Variants in ROBO1 observed in about 807,000 individuals in gnomAD.
The protein encoded by ROBO1 is roundabout guidance receptor 1.
ROBO1 carries 149 observed loss-of-function variants against 195.9 expected under a neutral mutation model. The observed-to-expected ratio is 0.76, with a 90% CI of 0.67 to 0.87. The LOEUF (loss-of-function observed/expected upper bound fraction) is 0.87. Among genes scored for constraint, ROBO1 ranks in the 40% least tolerant of loss-of-function variants. The probability of loss-of-function intolerance (pLI) is 0.00; values close to 1 mark genes in which losing one functional copy is unlikely to be tolerated. For synonymous variants in ROBO1, 816 were observed against 733.2 expected (o/e 1.11, Z -1.82); for missense variants, 1,933 against 2,068.3 (o/e 0.93, Z 1.27).
At chr3:78,703,107 C>T (rs1004225484) in intron 8 of ROBO1, among the ~76,000 whole-genome samples, 1 of 152,088 alleles carries the variant, frequency 6.6e-6, no homozygotes, top group Non-Finnish European at 1.5e-5. Flanking sequence ...AAGAGAATCC[C>T]ACACATTCAT....
At chr3:78,776,008 T>C (rs1161709967) in intron 4 of ROBO1, among the ~76,000 whole-genome samples, 1 of 152,202 alleles carries the variant, frequency 6.6e-6, no homozygotes, top group Non-Finnish European at 1.5e-5. Flanking sequence ...ATATAAAGCA[T>C]GCCTATGGGT....
chr3:78,787,015 C>T (rs1024818008), intron 4 of ROBO1, among the ~76,000 whole-genome samples: 5 of 152,140 alleles, frequency 3.3e-5, no homozygotes, highest in Admixed American at 1.3e-4. Flanking sequence ...TGGTTCTCCA[C>T]CTTCAGTTCA....
At chr3:79,306,809 G>C (rs1034233373) in intron 2 of ROBO1, among the ~76,000 whole-genome samples, 1 of 152,066 alleles carries the variant, frequency 6.6e-6, no homozygotes, top group Non-Finnish European at 1.5e-5. Context: ...AGCCGTTCTT[G>C]TTTGCATTTT....
At chr3:79,407,555 A>G (rs1388762790) in intron 2 of ROBO1, among the ~76,000 whole-genome samples, 1 of 152,054 alleles carries the variant, frequency 6.6e-6, no homozygotes, top group East Asian at 1.9e-4. Context: ...TCAGACAATA[A>G]TTTTCTTTCT....
chr3:79,363,033 A>C (rs1352235807), intron 2 of ROBO1, among the ~76,000 whole-genome samples: 1 of 152,146 alleles, frequency 6.6e-6, no homozygotes, highest in Non-Finnish European at 1.5e-5. Flanking sequence ...AAGTGATGTA[A>C]TTTTCTCAGC....
At chr3:79,467,332 C>T (rs550178248) in intron 2 of ROBO1, among the ~76,000 whole-genome samples, 6 of 151,900 alleles carry the variant, frequency 3.9e-5, no homozygotes, top group Non-Finnish European at 7.4e-5. Context: ...AAAGGCCCCA[C>T]CCTCAAGCCT....
At chr3:79,198,390 G>A (rs2081686033) in intron 2 of ROBO1, among the ~76,000 whole-genome samples, 1 of 151,960 alleles carries the variant, frequency 6.6e-6, no homozygotes, top group Non-Finnish European at 1.5e-5. Flanking sequence ...CTGTTCCATT[G>A]GTCTATATAT....
At chr3:78,978,868 C>G (rs1039949017) in intron 3 of ROBO1, among the ~76,000 whole-genome samples, 2 of 152,162 alleles carry the variant, frequency 1.3e-5, no homozygotes, top group African/African-American at 4.8e-5. Flanking sequence ...TCAGATACAG[C>G]TAGAAATCTA....
chr3:78,764,866 A>C (rs775623958), intron 4 of ROBO1, among the ~76,000 whole-genome samples: 36 of 152,144 alleles, frequency 2.4e-4, no homozygotes, highest in Non-Finnish European at 3.5e-4. Flanking sequence ...TTCTGTCATC[A>C]TGACAGCTTT....
intron 3 of ROBO1, among the ~76,000 whole-genome samples, chr3:79,023,971 A>T (rs1449853878): frequency 6.6e-6 from 1 of 151,444 alleles, no homozygotes; most frequent in African/African-American, 2.4e-5. Flanking sequence ...CAGCCTCCCA[A>T]AGTGCTGGGA....
Position 79,694,992 on chromosome 3 carries a change from C to G in ROBO1, c.-51+72760G>C, listed in dbSNP as rs1947401822. On this transcript the variant is annotated intron_variant, in intron 1 of 30. Coordinates refer to ENST00000464233, the MANE Select transcript of ROBO1 (RefSeq NM_002941.4). Reference sequence around the variant, plus strand: ...ATATTGATACTTTTCTCTGTTTTCCCATTTTTTGGAGGAAAATCTGTCATT... The same window carrying G: ...ATATTGATACTTTTCTCTGTTTTCCGATTTTTTGGAGGAAAATCTGTCATT... Among the ~76,000 whole-genome samples the G allele has an allele frequency of 2.0e-5, 3 of 151,262 alleles. No homozygotes were observed. The Admixed American group carries it at 2.0e-4, about 10-fold the overall frequency.
In ROBO1 at chr3:79,662,447, C is replaced by T. The variant is rs186154868; in HGVS notation, c.-50-72486G>A. Among the ~76,000 whole-genome samples the T allele has an allele frequency of 2.3e-4, 35 of 152,006 alleles. No individual in the cohort carries two copies. In the East Asian group the frequency reaches 6.8e-3, roughly 30 times the overall value. On this transcript the variant is annotated intron_variant, in intron 1 of 30. Transcript: ENST00000464233. Reference sequence around the variant, plus strand: ...TAAAAATTTTTGCTTTTATTTTTTGCTGAAATCCTTGCTTTGAGCAAATCT... The same window carrying T: ...TAAAAATTTTTGCTTTTATTTTTTGTTGAAATCCTTGCTTTGAGCAAATCT...
intron 2 of ROBO1, among the ~76,000 whole-genome samples, chr3:79,145,272 T>C (rs941037495): frequency 1.6e-4 from 25 of 151,586 alleles, no homozygotes; most frequent in African/African-American, 6.1e-4. Flanking sequence ...TCTTCAAAAA[T>C]AGATAAAAAT....
intron 2 of ROBO1, among the ~76,000 whole-genome samples, chr3:79,455,922 C>T (rs9810404): frequency 0.67 from 101,605 of 151,972 alleles, 35,438 homozygotes; most frequent in African/African-American, 0.89. Context: ...ATCTGTATAA[C>T]AGAAATAAAG....
chr3:78,795,578 G>A (rs1403259566), intron 4 of ROBO1, among the ~76,000 whole-genome samples: 8 of 152,272 alleles, frequency 5.3e-5, no homozygotes, highest in Non-Finnish European at 8.8e-5. Flanking sequence ...TTTCTTGTGA[G>A]AGGCACAACG....
At chr3:79,689,972 G>T (rs1431959265) in intron 1 of ROBO1, among the ~76,000 whole-genome samples, 1 of 151,976 alleles carries the variant, frequency 6.6e-6, no homozygotes, top group Non-Finnish European at 1.5e-5. Flanking sequence ...GTAAATCAGT[G>T]AAGTGATTAA....
intron 3 of ROBO1, among the ~76,000 whole-genome samples, chr3:79,038,206 G>A (rs1041985139): frequency 6.6e-6 from 1 of 152,124 alleles, no homozygotes; most frequent in African/African-American, 2.4e-5. Flanking sequence ...GTGATTTGTG[G>A]TATAGAACTG....
chr3:79,667,294 T>C (rs1946502806), intron 1 of ROBO1, among the ~76,000 whole-genome samples: 1 of 151,956 alleles, frequency 6.6e-6, no homozygotes, highest in South Asian at 2.1e-4. Flanking sequence ...TGAATATTCT[T>C]TCTTTCCACA....
In ROBO1 at chr3:78,911,172, T is replaced by C. The variant is rs151028790; in HGVS notation, c.499+27429A>G. Among the ~76,000 whole-genome samples the C allele has an allele frequency of 3.3e-5, 5 of 152,104 alleles. No individual in the cohort carries two copies. The East Asian group carries it at 5.8e-4, about 18-fold the overall frequency. ...AACAGAAGTTTACAATGAGAAAACA[T>C]GGAACCACAGACATGAAAGAACCTA... is the stretch of plus-strand genomic sequence containing the variant. On this transcript the variant is annotated intron_variant, in intron 4 of 30. Transcript: ENST00000464233.
Sources: allele counts gnomAD v4.1 joint callset (sites outside exome capture counted in the v4.1 genomes callset), GRCh38; gene constraint gnomAD v4.1.1; transcripts MANE v1.5; gene names NCBI Gene and HGNC (gene_info 2026-07-23, HGNC 2026-07-21).